The following TMEM225B variants were observed in gnomAD, a reference collection of about 807,000 sequenced individuals.
The protein encoded by TMEM225B is transmembrane protein 225B.
TMEM225B carries 10 observed loss-of-function variants against 16.9 expected under a neutral mutation model. The observed-to-expected ratio is 0.59, with a 90% CI of 0.36 to 1.00. TMEM225B has a LOEUF of 1.00. Among genes scored for constraint, TMEM225B ranks in the 50% least tolerant of loss-of-function variants. The pLI is 0.01. For synonymous variants in TMEM225B, 92 were observed against 109.8 expected (o/e 0.84, Z 1.01); for missense variants, 217 against 267.0 (o/e 0.81, Z 1.30).
chr7:99,606,747 G>A lies in TMEM225B; in HGVS notation c.209-1G>A, dbSNP rs939755450. On this transcript the variant is annotated splice_acceptor_variant, in intron 3 of 5. Coordinates refer to ENST00000431679, the MANE Select transcript of TMEM225B (RefSeq NM_001195541.3). LOFTEE classifies it high-confidence loss of function. ...CAGCCCCACTTCTCCCTCCCCTGCA[G>A]TTTACATCATCCTCGGCCGGGTTTT... 25 of 1,536,058 alleles carry A rather than the reference G, an allele frequency of 1.6e-5. No homozygotes were observed. The highest frequency in any genetic ancestry group is 2.2e-5 in the Non-Finnish European group (25 of 1,146,870).
At chr7:99,608,854 T>C (rs752207716) in intron 5 of TMEM225B, among the ~76,000 whole-genome samples, 5 of 143,162 alleles carry the variant, frequency 3.5e-5, no homozygotes, top group Non-Finnish European at 5.9e-5. Flanking sequence ...TATATATATA[T>C]ATATACACAC....
intron 5 of TMEM225B, among the ~76,000 whole-genome samples, chr7:99,608,780 C>T (rs115732150): frequency 0.026 from 3,885 of 146,750 alleles, 156 homozygotes; most frequent in African/African-American, 0.087. Flanking sequence ...TATATATGCA[C>T]ATATATATGT....
At chr7:99,602,768 G>A (rs899076272) in intron 2 of TMEM225B, among the ~76,000 whole-genome samples, 4 of 151,990 alleles carry the variant, frequency 2.6e-5, no homozygotes, top group African/African-American at 4.8e-5. Context: ...GCTGGAGTAC[G>A]GCGGCATGAT....
At chr7:99,606,274 G>A (rs181618174) in intron 3 of TMEM225B, among the ~76,000 whole-genome samples, 19 of 152,282 alleles carry the variant, frequency 1.2e-4, no homozygotes, top group Middle Eastern at 3.4e-3. Flanking sequence ...TAGCTTGGGC[G>A]ACAGAGCAAG....
chr7:99,604,652 C>G (rs1020827450), intron 3 of TMEM225B, 56 bp downstream of exon 3: 4 of 1,376,170 alleles, frequency 2.9e-6, no homozygotes, highest in East Asian at 2.5e-5. Context: ...AGTGTTGGGA[C>G]AGAGGTGGGG....
chr7:99,610,001 G>A (rs1331066829), intron 5 of TMEM225B, among the ~76,000 whole-genome samples: 1 of 152,194 alleles, frequency 6.6e-6, no homozygotes, highest in African/African-American at 2.4e-5. Context: ...GCTTCCCAAA[G>A]CACTGGAATT....
At chr7:99,599,409 C>CA (rs950081216) in intron 1 of TMEM225B, among the ~76,000 whole-genome samples, 67 of 148,432 alleles carry the variant, frequency 4.5e-4, no homozygotes, top group African/African-American at 1.4e-3. Context: ...GACCCCATCT[C>CA]AAAAAAAAAA....
Position 99,604,578 on chromosome 7 carries a change from A to T in TMEM225B, c.190A>T (p.Lys64Ter), listed in dbSNP as rs1805633905. 1 of 1,535,842 alleles carries T rather than the reference A, an allele frequency of 6.5e-7. No homozygotes were observed. The highest frequency in any genetic ancestry group is 2.0e-5 in the Admixed American group (1 of 50,976). The stretch of plus-strand genomic sequence containing the variant: ...GAACTGCTTCAATGCCAAATGCTGG[A>T]AGCCTCGACCCTTATCCAGTAAGGA... ...FENCFNAKCW[K>*]PRPLSIYIIL... The change falls in exon 3 of 6, where the codon AAG becomes TAG. Residue 64 changes from lysine to a stop codon, truncating the protein, a stop_gained. Transcript: ENST00000431679. LOFTEE classifies it high-confidence loss of function.
chr7:99,600,479 G>T (rs1424763840), intron 2 of TMEM225B, among the ~76,000 whole-genome samples, 194 bp downstream of exon 2: 1 of 152,160 alleles, frequency 6.6e-6, no homozygotes, highest in Non-Finnish European at 1.5e-5. Flanking sequence ...CCAAGACTGG[G>T]TAACTTATAA....
chr7:99,610,400 C>T lies in TMEM225B; in HGVS notation c.501C>T (p.Ile167=), dbSNP rs915486457. The change falls in exon 6 of 6, where the codon ATC becomes ATT. Residue 167 remains isoleucine, a synonymous_variant. Coordinates refer to ENST00000431679, the MANE Select transcript of TMEM225B (RefSeq NM_001195541.3). ...ACGTTGGCTGTTCCCTAGGTACCAT[C>T]TGCCTCATTCAAGAAATGGTTTGCC... is the stretch of plus-strand genomic sequence containing the variant. ...GIFLFIVAGT[I]CLIQEMVCPC... is the part of the protein sequence containing the mutation. 1.3e-6 allele frequency: 2 copies of T among 1,535,412 alleles called. No individual in the cohort carries two copies. Among genetic ancestry groups the T allele is most frequent in the Non-Finnish European group, 8.7e-7 (1 of 1,146,850 alleles).
Position 99,598,753 on chromosome 7 carries a change from C to A in TMEM225B, c.-85+372C>A, listed in dbSNP as rs367819496. Among the ~76,000 whole-genome samples the A allele has an allele frequency of 6.6e-5, 10 of 152,252 alleles. No individual in the cohort carries two copies. In the East Asian group the frequency reaches 1.5e-3, roughly 23 times the overall value. On this transcript the variant is annotated intron_variant, in intron 1 of 5. Transcript: ENST00000431679. Reference sequence around the variant, plus strand: ...TCTTTCCCATTCCAAACCAGGATGCCCTTCAGGTCGCCCACTTCCTTCATC... The same window carrying A: ...TCTTTCCCATTCCAAACCAGGATGCACTTCAGGTCGCCCACTTCCTTCATC...
chr7:99,601,292 A>G (rs573373068), intron 2 of TMEM225B, among the ~76,000 whole-genome samples: 6 of 152,238 alleles, frequency 3.9e-5, no homozygotes, highest in Admixed American at 3.9e-4. Context: ...TGGAAAGGGG[A>G]CATTTAAAGA....
intron 3 of TMEM225B, among the ~76,000 whole-genome samples, chr7:99,604,838 A>C (rs1805662793): frequency 1.3e-5 from 2 of 152,042 alleles, no homozygotes; most frequent in Non-Finnish European, 2.9e-5. Context: ...TACAAAAATG[A>C]GAAAATTAGC....
chr7:99,607,330 C>T (rs1182466350), intron 4 of TMEM225B, among the ~76,000 whole-genome samples: 1 of 152,042 alleles, frequency 6.6e-6, no homozygotes, highest in Non-Finnish European at 1.5e-5. Flanking sequence ...CAGGCTCCAC[C>T]CTGAGAGGCT....
chr7:99,609,075 G>A (rs1041422935), intron 5 of TMEM225B, among the ~76,000 whole-genome samples: 17 of 151,806 alleles, frequency 1.1e-4, no homozygotes, highest in Admixed American at 4.6e-4. Flanking sequence ...GCTGAAGCAG[G>A]ATAATCACTT....
chr7:99,609,885 C>G (rs1010982551), intron 5 of TMEM225B, among the ~76,000 whole-genome samples: 19 of 152,134 alleles, frequency 1.2e-4, no homozygotes, highest in African/African-American at 3.9e-4. Flanking sequence ...CAGGCTCATG[C>G]CATCATGCCT....
Position 99,610,535 on chromosome 7 carries a change from G to A in TMEM225B, c.636G>A (p.Glu212=). The change falls in exon 6 of 6, where the codon GAG becomes GAA. Residue 212 remains glutamate (E), a synonymous_variant. Transcript: ENST00000431679. The stretch of plus-strand genomic sequence containing the variant: ...GAGAACCGAGCTCAGTACAAAAGGA[G>A]ACACAGGTGACAGCAGAAACAGTCA... ...LGGEPSSVQK[E]TQVTAETVI is the part of the protein sequence containing the mutation. The A allele has an allele frequency of 6.5e-7, 1 of 1,536,084 alleles. No homozygotes were observed. The highest frequency in any genetic ancestry group is 1.2e-5 in the South Asian group (1 of 84,034).
intron 5 of TMEM225B, among the ~76,000 whole-genome samples, chr7:99,609,186 A>C (rs1006390003): frequency 4.6e-5 from 7 of 151,768 alleles, no homozygotes; most frequent in Non-Finnish European, 1.0e-4. Flanking sequence ...CAAACAAAAA[A>C]CCACATATTT....
In TMEM225B at chr7:99,602,203, C is replaced by T. The variant is rs140490117; in HGVS notation, c.-4+1918C>T. ...CCACCTGGAGGCCTCTGGCCAGGCC[C>T]ACCCTCCCTGCAGCTCCAATCACCG... On this transcript the variant is annotated intron_variant, in intron 2 of 5. Coordinates refer to ENST00000431679, the MANE Select transcript of TMEM225B (RefSeq NM_001195541.3). Among the ~76,000 whole-genome samples, 114 of 152,366 alleles carry T rather than the reference C, an allele frequency of 7.5e-4. No homozygotes were observed. The Middle Eastern group carries it at 0.017, about 23-fold the overall frequency.
Sources: allele counts gnomAD v4.1 joint callset (sites outside exome capture counted in the v4.1 genomes callset), GRCh38; gene constraint gnomAD v4.1.1; transcripts MANE v1.5; gene names NCBI Gene and HGNC (gene_info 2026-07-23, HGNC 2026-07-21).